Variants in TMOD3 observed in about 807,000 individuals in gnomAD.
The protein encoded by TMOD3 is tropomodulin 3, also known as tropomodulin-3.
A neutral mutation model predicts 39.2 loss-of-function variants in TMOD3; 20 were observed. That is an observed-to-expected ratio of 0.51 (90% CI 0.36 to 0.74). The LOEUF (loss-of-function observed/expected upper bound fraction) is 0.74. Ranked by LOEUF, TMOD3 falls within the 30% of genes least tolerant of loss-of-function variation. TMOD3 has a pLI of 0.00. For synonymous variants in TMOD3, 143 were observed against 145.8 expected, an observed-to-expected ratio of 0.98 and a Z score of 0.14; for missense variants, 381 against 412.8, an observed-to-expected ratio of 0.92 and a Z score of 0.67.
chr15:51,876,726 G>A (rs921706250), intron 3 of TMOD3, among the ~76,000 whole-genome samples: 1 of 151,734 alleles, frequency 6.6e-6, no homozygotes, highest in Admixed American at 6.6e-5. Flanking sequence ...CTCCCAAAGT[G>A]CTGGGATTAC....
At chr15:51,871,052 A>G (rs1005094828) in intron 3 of TMOD3, among the ~76,000 whole-genome samples, 2 of 152,184 alleles carry the variant, frequency 1.3e-5, no homozygotes, top group Admixed American at 6.5e-5. Context: ...AAAAAAAAGC[A>G]AAAAACAAAA....
rs1249145116 is a variant in TMOD3 at position 51,900,228 on chromosome 15, T to C, written c.809T>C (p.Val270Ala). Residue 270 changes from valine (V) to alanine (A), a missense_variant, in exon 8 of 10, where the codon GTT becomes GCT. Coordinates refer to ENST00000308580, the MANE Select transcript of TMOD3 (RefSeq NM_014547.5). ...GTGGAGTCCAACTTTATCACGGGAGTTGGGATTCTGGCACTGATTGATGCG... is the reference window on the plus strand; with the variant it reads ...GTGGAGTCCAACTTTATCACGGGAGCTGGGATTCTGGCACTGATTGATGCG... ...LNVESNFITG[V>A]GILALIDALR... 6.2e-7 allele frequency: 1 copy of C among 1,613,956 alleles called. No homozygotes were observed. Among genetic ancestry groups the C allele is most frequent in the South Asian group, 1.1e-5 (1 of 91,060 alleles).
At chr15:51,908,741 G>T (rs202127944) in intron 9 of TMOD3, 35 bp from the exon 10 acceptor site, 4 of 1,564,090 alleles carry the variant, frequency 2.6e-6, no homozygotes, top group Non-Finnish European at 2.6e-6. Flanking sequence ...AACTAATAGG[G>T]ATTTCTAACA....
intron 9 of TMOD3, among the ~76,000 whole-genome samples, chr15:51,903,246 A>G (rs902855182): frequency 1.3e-5 from 2 of 152,226 alleles, no homozygotes; most frequent in African/African-American, 2.4e-5. Flanking sequence ...TTTGAAATAG[A>G]CTTTCCAGCC....
At chr15:51,903,036 G>A (rs1177000127) in intron 9 of TMOD3, among the ~76,000 whole-genome samples, 4 of 152,048 alleles carry the variant, frequency 2.6e-5, no homozygotes, top group Non-Finnish European at 5.9e-5. Flanking sequence ...CACCCGCCTC[G>A]GCCTCCCAAA....
intron 3 of TMOD3, chr15:51,875,401 A>C (rs1437980011): frequency 6.6e-6 from 1 of 152,166 alleles, no homozygotes; most frequent in East Asian, 1.9e-4. Flanking sequence ...AGTCATGCAG[A>C]TGCTGGCATC....
At position 51,901,974 on chromosome 15, in the gene TMOD3, A is replaced by C; in HGVS notation, c.962A>C (p.Gln321Pro). The C allele has an allele frequency of 6.2e-7, 1 of 1,614,188 alleles. No individual in the cohort carries two copies. The highest frequency in any genetic ancestry group is 8.5e-7 in the Non-Finnish European group (1 of 1,180,028). ...ENTNILKFGY[Q>P]FTQQGPRTRA... ...ACAAATATCCTTAAATTTGGATATC[A>C]GTTTACACAGCAGGGACCACGAACC... Residue 321 changes from glutamine (Q) to proline (P), a missense_variant, in exon 9 of 10, where the codon CAG becomes CCG. Transcript: ENST00000308580.
chr15:51,867,186 T>C (rs1007916895), intron 2 of TMOD3, among the ~76,000 whole-genome samples: 2 of 152,308 alleles, frequency 1.3e-5, no homozygotes, highest in South Asian at 4.1e-4. Context: ...ATCAGGCAGC[T>C]GATCCAGGTG....
intron 3 of TMOD3, among the ~76,000 whole-genome samples, chr15:51,873,359 G>C (rs2056485934): frequency 6.6e-6 from 1 of 152,188 alleles, no homozygotes. Context: ...TATTTTAGTG[G>C]AGATAGACTT....
intron 3 of TMOD3, among the ~76,000 whole-genome samples, chr15:51,882,774 C>G (rs974545773): frequency 2.0e-5 from 3 of 151,744 alleles, no homozygotes; most frequent in Non-Finnish European, 2.9e-5. Context: ...CTTGGCTATT[C>G]TGGGTTTCCA....
chr15:51,849,889 A>G (rs1350465105), intron 1 of TMOD3, among the ~76,000 whole-genome samples: 1 of 151,450 alleles, frequency 6.6e-6, no homozygotes, highest in African/African-American at 2.4e-5. Flanking sequence ...AGCCGAGATC[A>G]CACCACTGCA....
intron 7 of TMOD3, among the ~76,000 whole-genome samples, chr15:51,899,460 G>T (rs1279806101): frequency 2.0e-5 from 3 of 152,112 alleles, no homozygotes; most frequent in African/African-American, 7.2e-5. Flanking sequence ...GAGCCCAGGA[G>T]TTTGAGACCA....
Position 51,893,833 on chromosome 15 carries a change from A to G in TMOD3, c.515A>G (p.Lys172Arg), listed in dbSNP as rs1158977643. ...EHFSNVVKGE[K>R]ILPVFDEPPN... ...ACTGCAGATGTGGTCAAAGGTGAAA[A>G]GATTCTTCCGGTATTTGATGAGCCA... Residue 172 changes from lysine (K) to arginine (R), a missense_variant, in exon 6 of 10, where the codon AAG (lysine) becomes AGG (arginine). Transcript: ENST00000308580. 6.2e-7 allele frequency: 1 copy of G among 1,605,048 alleles called. No individual in the cohort carries two copies. Among genetic ancestry groups the G allele is most frequent in the East Asian group, 2.2e-5 (1 of 44,672 alleles).
intron 1 of TMOD3, among the ~76,000 whole-genome samples, chr15:51,830,783 G>C (rs1444776508): frequency 1.3e-5 from 2 of 151,986 alleles, no homozygotes; most frequent in Admixed American, 1.3e-4. Context: ...TGATTAATTG[G>C]CCCGTCAAAA....
At chr15:51,859,363 C>G (rs1475488826) in intron 1 of TMOD3, 1 of 700,808 alleles carries the variant, frequency 1.4e-6, no homozygotes, top group Non-Finnish European at 2.7e-6. Flanking sequence ...GATCCAAACT[C>G]TCTCAAAGCC....
intron 2 of TMOD3, among the ~76,000 whole-genome samples, chr15:51,866,787 C>T (rs961937670): frequency 6.6e-6 from 1 of 152,184 alleles, no homozygotes; most frequent in African/African-American, 2.4e-5. Context: ...AGGTACTATG[C>T]TAGGCTTAGG....
At chr15:51,876,623 G>A (rs1004822716) in intron 3 of TMOD3, among the ~76,000 whole-genome samples, 11 of 151,842 alleles carry the variant, frequency 7.2e-5, no homozygotes, top group African/African-American at 1.7e-4. Context: ...CACCTCGCCC[G>A]GCTAATTTTT....
intron 1 of TMOD3, among the ~76,000 whole-genome samples, chr15:51,855,490 G>C (rs1333345700): frequency 6.6e-6 from 1 of 152,206 alleles, no homozygotes; most frequent in Non-Finnish European, 1.5e-5. Context: ...CTTAAGCTTT[G>C]CCTAACTTAC....
intron 1 of TMOD3, among the ~76,000 whole-genome samples, chr15:51,856,947 C>T (rs1262889227): frequency 2.0e-5 from 3 of 152,088 alleles, no homozygotes; most frequent in Non-Finnish European, 4.4e-5. Flanking sequence ...CTCTCTCACG[C>T]ATGTGTACCA....
Sources: gnomAD v4.1 joint callset for allele counts (sites outside exome capture counted in the v4.1 genomes callset) on GRCh38, gnomAD v4.1.1 for gene constraint, MANE v1.5 for transcripts, NCBI Gene and HGNC (gene_info 2026-07-23, HGNC 2026-07-21) for gene names.